The following PROM1 variants were observed in gnomAD, a reference collection of about 807,000 sequenced individuals.
The protein encoded by PROM1 is prominin 1.
Under a neutral mutation model 116.9 loss-of-function variants are expected in PROM1, and 105 were observed. The ratio of observed to expected loss-of-function variants is 0.90; its 90% CI spans 0.77 to 1.06. PROM1 has a LOEUF of 1.06. PROM1 is among the 50% of genes least tolerant of loss of function. PROM1 has a pLI of 0.00. For synonymous variants in PROM1, 393 were observed against 387.0 expected, an observed-to-expected ratio of 1.02 and a Z score of -0.18; for missense variants, 1,122 against 1,045.2, an observed-to-expected ratio of 1.07 and a Z score of -1.01.
rs781658379 is a variant in PROM1 at position 16,075,898 on chromosome 4, G to A, written c.9C>T (p.Leu3=). The A allele has an allele frequency of 2.1e-5, 34 of 1,610,042 alleles. No homozygotes were observed. In the Admixed American group the frequency reaches 3.4e-4, roughly 16 times the overall value. Residue 3 remains leucine, a synonymous_variant, in exon 2 of 28, where the codon CTC becomes CTT. Coordinates refer to ENST00000447510, the MANE Select transcript of PROM1 (RefSeq NM_006017.3). ...CCAGCAGCAACAGGGAGCCGAGTAC[G>A]AGGGCCATAGCTAGCAAGATCCTCC... MA[L]VLGSLLLLGL...
chr4:15,969,550 GA>G (rs1266165427), intron 27 of PROM1, among the ~76,000 whole-genome samples, 182 bp from the exon 28 acceptor site: 4 of 152,114 alleles, frequency 2.6e-5, no homozygotes, highest in Non-Finnish European at 5.9e-5. Flanking sequence ...TAGCAATATA[GA>G]AAAAAACTTT....
At chr4:16,026,556 T>C (rs569691451) in intron 5 of PROM1, among the ~76,000 whole-genome samples, 1 of 152,136 alleles carries the variant, frequency 6.6e-6, no homozygotes, top group Non-Finnish European at 1.5e-5. Context: ...AAAAGCAATG[T>C]CTTGAGGCTT....
At chr4:15,983,897 G>A (rs903035238) in intron 23 of PROM1, among the ~76,000 whole-genome samples, 2 of 152,134 alleles carry the variant, frequency 1.3e-5, no homozygotes, top group Admixed American at 6.6e-5. Context: ...ATTTCTAAGG[G>A]CTTTTTAATG....
At chr4:16,041,164 G>A (rs775149661) in intron 2 of PROM1, among the ~76,000 whole-genome samples, 9 of 152,292 alleles carry the variant, frequency 5.9e-5, no homozygotes, top group East Asian at 3.9e-4. Flanking sequence ...GTGCAAAGGC[G>A]GTGGTAGATA....
At chr4:16,024,725 G>A (rs1730804510) in intron 6 of PROM1, among the ~76,000 whole-genome samples, 2 of 152,098 alleles carry the variant, frequency 1.3e-5, no homozygotes, top group Admixed American at 6.6e-5. Flanking sequence ...GTGTGTGTGT[G>A]TGATAGAGAC....
At chr4:16,031,400 C>T (rs1397809931) in intron 5 of PROM1, among the ~76,000 whole-genome samples, 2 of 151,878 alleles carry the variant, frequency 1.3e-5, no homozygotes, top group African/African-American at 2.4e-5. Flanking sequence ...GGGCTGTAAC[C>T]GAGATTCTTC....
chr4:16,027,708 G>A (rs777794835), intron 5 of PROM1, among the ~76,000 whole-genome samples: 7 of 152,170 alleles, frequency 4.6e-5, no homozygotes, highest in Non-Finnish European at 7.3e-5. Flanking sequence ...AAAAGAGGTG[G>A]AAACTACTTC....
intron 2 of PROM1, among the ~76,000 whole-genome samples, chr4:16,051,879 C>T (rs931174582): frequency 2.0e-5 from 3 of 152,154 alleles, no homozygotes; most frequent in South Asian, 2.1e-4. Context: ...TGTAAGAACT[C>T]GGTAGCCCTC....
At chr4:16,037,354 G>GAAGGCTGTGAGCCCTGGGA (rs1202938891) in intron 3 of PROM1, among the ~76,000 whole-genome samples, 1 of 152,178 alleles carries the variant, frequency 6.6e-6, no homozygotes, top group African/African-American at 2.4e-5. Context: ...CGGTGCTGGG[G>GAAGGCTGTGAGCCCTGGGA]AAGGCTGTGA....
chr4:16,063,363 G>A (rs190969999), intron 2 of PROM1, among the ~76,000 whole-genome samples: 5 of 152,274 alleles, frequency 3.3e-5, no homozygotes, highest in East Asian at 1.9e-4. Flanking sequence ...CTGGGAGGCC[G>A]AGGCAGGGGA....
At chr4:16,007,385 G>A (rs1044236528) in intron 12 of PROM1, among the ~76,000 whole-genome samples, 9 of 152,168 alleles carry the variant, frequency 5.9e-5, no homozygotes, top group African/African-American at 9.7e-5. Flanking sequence ...AACCTTTCCC[G>A]GCAGCAAGAG....
intron 16 of PROM1, 128 bp from the exon 17 acceptor site, chr4:15,992,519 G>A (rs1372150788): frequency 7.4e-6 from 7 of 944,608 alleles, no homozygotes; most frequent in Non-Finnish European, 1.1e-5. Flanking sequence ...TTGGGAGGCT[G>A]AGGTGGGAGG....
At chr4:15,993,727 G>A (rs542804523) in intron 16 of PROM1, among the ~76,000 whole-genome samples, 11 of 152,314 alleles carry the variant, frequency 7.2e-5, no homozygotes, top group Middle Eastern at 3.4e-3. Flanking sequence ...AGTGTCCACA[G>A]TGAGACCCCT....
intron 2 of PROM1, among the ~76,000 whole-genome samples, chr4:16,040,278 G>GA (rs35673216): frequency 0.78 from 119,139 of 152,060 alleles, 47,087 homozygotes; most frequent in Non-Finnish European, 0.84. Context: ...TGCAGGAACA[G>GA]AGATTTTCAA....
At chr4:15,989,341 G>A (rs568253245) in intron 19 of PROM1, among the ~76,000 whole-genome samples, 7 of 122,730 alleles carry the variant, frequency 5.7e-5, no homozygotes, top group African/African-American at 2.1e-4. Context: ...AGCAGACAGG[G>A]CTAAGTGGAT....
rs748128249 is a variant in PROM1, at chr4:16,075,932, GGT to G, written c.-28_-27del. 57 of 1,570,334 alleles carry G rather than the reference GGT, an allele frequency of 3.6e-5. No homozygotes were observed. The African/African-American group carries it at 7.0e-4, about 19-fold the overall frequency. On this transcript the variant is annotated 5_prime_UTR_variant, in exon 2 of 28. An upstream open reading frame in the 5' UTR loses its in-frame stop. Transcript: ENST00000447510. ...AGCTAGCAAGATCCTCCAAACATGAGGTAGAACTTGGTGCCTCCTGCCTCAGA... is the reference window on the plus strand; with the variant it reads ...AGCTAGCAAGATCCTCCAAACATGAGAGAACTTGGTGCCTCCTGCCTCAGA...
intron 2 of PROM1, among the ~76,000 whole-genome samples, chr4:16,045,403 G>A (rs941013607): frequency 1.2e-4 from 18 of 152,084 alleles, no homozygotes; most frequent in African/African-American, 3.9e-4. Context: ...AGAGCGAGCC[G>A]CAGTCCCCAG....
chr4:15,987,834 C>A, intron 19 of PROM1, 118 bp from the exon 20 acceptor site: 33 of 712,040 alleles, frequency 4.6e-5, no homozygotes, highest in Non-Finnish European at 7.0e-5. Context: ...GTAATGGTTT[C>A]ATTCTAGAAA....
chr4:16,046,086 G>C (rs1360904911), intron 2 of PROM1, among the ~76,000 whole-genome samples: 2 of 152,204 alleles, frequency 1.3e-5, no homozygotes, highest in Non-Finnish European at 2.9e-5. Context: ...AGGCTAAGTT[G>C]GCTTAAGATC....
Sources: gnomAD v4.1 joint callset for allele counts (sites outside exome capture counted in the v4.1 genomes callset) on GRCh38, gnomAD v4.1.1 for gene constraint, MANE v1.5 for transcripts, NCBI Gene and HGNC (gene_info 2026-07-23, HGNC 2026-07-21) for gene names.